The following ERP44 variants were observed in gnomAD, a reference collection of about 807,000 sequenced individuals.
ERP44 encodes the protein endoplasmic reticulum resident protein 44.
In ERP44, 25 loss-of-function variants were observed where a neutral mutation model predicts 53.4. The observed-to-expected ratio is 0.47, with a 90% confidence interval of 0.34 to 0.65. The LOEUF is 0.65. ERP44 is among the 30% of genes least tolerant of loss of function. The probability of loss-of-function intolerance (pLI) is 0.01; values close to 1 mark genes in which losing one functional copy is unlikely to be tolerated. For missense variants in ERP44, 338 were observed against 493.2 expected (o/e 0.69, Z 2.98); for synonymous variants, 145 against 161.2 (o/e 0.90, Z 0.76).
intron 10 of ERP44, among the ~76,000 whole-genome samples, chr9:99,991,233 A>T (rs1830251090): frequency 6.6e-6 from 1 of 152,140 alleles, no homozygotes; most frequent in African/African-American, 2.4e-5. Flanking sequence ...GCACCACATC[A>T]CACTTATTCC....
intron 1 of ERP44, among the ~76,000 whole-genome samples, chr9:100,087,336 TAAG>T: frequency 6.6e-6 from 1 of 152,324 alleles, no homozygotes; most frequent in South Asian, 2.1e-4. Context: ...ATTATTAGGA[TAAG>T]AAGACCACAG....
intron 4 of ERP44, among the ~76,000 whole-genome samples, chr9:100,052,051 C>G (rs1460176204): frequency 6.6e-6 from 1 of 152,054 alleles, no homozygotes; most frequent in Non-Finnish European, 1.5e-5. Flanking sequence ...CTAAAACTAA[C>G]AGAAATCCAT....
At chr9:100,031,634 C>G (rs1386259382) in intron 4 of ERP44, among the ~76,000 whole-genome samples, 1 of 152,128 alleles carries the variant, frequency 6.6e-6, no homozygotes, top group Non-Finnish European at 1.5e-5. Context: ...CCCAGAAATA[C>G]TGGTCATTTG....
chr9:100,004,320 CTCATGA>C (rs1830406418), intron 10 of ERP44, among the ~76,000 whole-genome samples: 1 of 152,176 alleles, frequency 6.6e-6, no homozygotes, highest in Admixed American at 6.5e-5. Context: ...GAGTGCTAGC[CTCATGA>C]TCAGGGCTGT....
At position 99,982,470 on chromosome 9, in the gene ERP44, G is replaced by T; in HGVS notation, c.*142C>A. On this transcript the variant is annotated 3_prime_UTR_variant, in exon 12 of 12. Transcript: ENST00000262455. Reference sequence around the variant, plus strand: ...AAATGACAATGCATTTTGAGTCGGGGAGAAAAAAATTAAAAACCCAAAATT... The same window carrying T: ...AAATGACAATGCATTTTGAGTCGGGTAGAAAAAAATTAAAAACCCAAAATT... The T allele has an allele frequency of 2.7e-6, 1 of 372,234 alleles. No individual in the cohort carries two copies. The highest frequency in any genetic ancestry group is 4.7e-6 in the Non-Finnish European group (1 of 211,670). The allele number at this position is 372,234 out of a possible 1,614,324, so 23.1% of individuals were successfully genotyped here. A position where few individuals can be genotyped will look rare whatever the true frequency, so the allele number is the denominator to read the frequency against.
In ERP44 at chr9:99,979,202, C is replaced by G. The variant is rs1324903853; in HGVS notation, c.*3410G>C. 6.8e-6 allele frequency: 1 copy of G among 147,878 alleles called. No individual in the cohort carries two copies. The highest frequency in any genetic ancestry group is 3.2e-3 in the Middle Eastern group (1 of 312). 9.2% of individuals were successfully genotyped at this position (147,878 alleles called of 1,614,324 possible). A position where few individuals can be genotyped will look rare whatever the true frequency, so the allele number is the denominator to read the frequency against. ...ACTTTTCATTTTTGCAGTTTCATGT[C>G]ATTTTATTTTGGTCCAGCCATATCT... On this transcript the variant is annotated 3_prime_UTR_variant, in exon 12 of 12. Transcript: ENST00000262455.
At chr9:100,086,423 CAA>C (rs1297506518) in intron 1 of ERP44, among the ~76,000 whole-genome samples, 1 of 152,118 alleles carries the variant, frequency 6.6e-6, no homozygotes, top group African/African-American at 2.4e-5. Flanking sequence ...TTCAGAGAGT[CAA>C]AAGATAACAA....
chr9:100,093,651 GAAAAAA>G (rs34247708), intron 1 of ERP44, among the ~76,000 whole-genome samples: 2 of 150,830 alleles, frequency 1.3e-5, no homozygotes, highest in South Asian at 2.1e-4. Context: ...TGTGGGGGGG[GAAAAAA>G]AAAGAACTGT....
intron 9 of ERP44, 56 bp from the exon 10 acceptor site, chr9:100,006,703 G>T: frequency 7.8e-7 from 1 of 1,278,382 alleles, no homozygotes; most frequent in Non-Finnish European, 1.1e-6. Flanking sequence ...AAATATTTTT[G>T]TAAGATTGCA....
In ERP44 at chr9:100,060,154, G is replaced by C; in HGVS notation, c.76C>G (p.Pro26Ala). ...LLLLVTWVFTPVTTEITSLDT... is the reference protein window; with the variant it reads ...LLLLVTWVFTAVTTEITSLDT... ...AGACTTGTTATTTCAGTTGTTACAG[G>C]AGTAAAAACCCAAGTTACCTGAAAA... Residue 26 changes from proline to alanine, a missense_variant, in exon 2 of 12, where the codon CCT (proline) becomes GCT (alanine). Pro to Ala is a conservative substitution (Grantham distance 27). Coordinates refer to ENST00000262455, the MANE Select transcript of ERP44 (RefSeq NM_015051.3). 1 of 1,491,510 alleles carries C rather than the reference G, an allele frequency of 6.7e-7. No homozygotes were observed. Among genetic ancestry groups the C allele is most frequent in the Non-Finnish European group, 8.9e-7 (1 of 1,122,374 alleles). 92.4% of individuals were successfully genotyped at this position (1,491,510 alleles called of 1,614,324 possible).
At chr9:100,024,436 G>A (rs879642332) in intron 4 of ERP44, among the ~76,000 whole-genome samples, 1 of 121,114 alleles carries the variant, frequency 8.3e-6, no homozygotes, top group African/African-American at 4.3e-5. Context: ...AAATACATAT[G>A]TATATACATG....
chr9:99,984,597 TC>T (rs1215384064), intron 11 of ERP44, among the ~76,000 whole-genome samples: 27 of 152,232 alleles, frequency 1.8e-4, no homozygotes, highest in African/African-American at 6.3e-4. Flanking sequence ...TGGTCAATCT[TC>T]CAGCCACAGA....
In ERP44 at chr9:99,979,366, T is replaced by C. The variant is rs1490245790; in HGVS notation, c.*3246A>G. On this transcript the variant is annotated 3_prime_UTR_variant, in exon 12 of 12. Coordinates refer to ENST00000262455, the MANE Select transcript of ERP44 (RefSeq NM_015051.3). ...TTCTTGACAACCTTAGCATTTTCTA[T>C]AAATTTAAGCTTATTGTGAGCTTGA... The C allele has an allele frequency of 6.6e-6, 1 of 151,976 alleles. No individual in the cohort carries two copies. The highest frequency in any genetic ancestry group is 2.4e-5 in the African/African-American group (1 of 41,394). 9.4% of individuals were successfully genotyped at this position (151,976 alleles called of 1,614,324 possible). A position where few individuals can be genotyped will look rare whatever the true frequency, so the allele number is the denominator to read the frequency against.
At chr9:100,041,945 T>A (rs1035071746) in intron 4 of ERP44, among the ~76,000 whole-genome samples, 1 of 152,186 alleles carries the variant, frequency 6.6e-6, no homozygotes, top group African/African-American at 2.4e-5. Flanking sequence ...CTTCAAACTA[T>A]GAAACTACTA....
At chr9:100,075,805 G>GT (rs1826348983) in intron 1 of ERP44, among the ~76,000 whole-genome samples, 1 of 152,178 alleles carries the variant, frequency 6.6e-6, no homozygotes, top group Non-Finnish European at 1.5e-5. Flanking sequence ...TCTTTTGGGT[G>GT]TATTACTCCA....
intron 10 of ERP44, among the ~76,000 whole-genome samples, chr9:100,002,996 CT>C (rs1830393782): frequency 6.6e-6 from 1 of 152,006 alleles, no homozygotes; most frequent in Non-Finnish European, 1.5e-5. Flanking sequence ...TTTCTTCATT[CT>C]TTTTTTCTTC....
At chr9:100,055,041 G>A (rs1169990124) in intron 3 of ERP44, among the ~76,000 whole-genome samples, 5 of 152,082 alleles carry the variant, frequency 3.3e-5, no homozygotes, top group African/African-American at 1.2e-4. Context: ...AAGCTTTGCA[G>A]TTAGGCATAC....
chr9:99,982,991 T>C (rs1273288170), intron 11 of ERP44, among the ~76,000 whole-genome samples: 2 of 152,154 alleles, frequency 1.3e-5, no homozygotes, highest in Non-Finnish European at 2.9e-5. Context: ...CCAAAATACC[T>C]GACACCTGGG....
At chr9:100,061,319 C>G (rs977831208) in intron 1 of ERP44, among the ~76,000 whole-genome samples, 1 of 151,802 alleles carries the variant, frequency 6.6e-6, no homozygotes, top group Admixed American at 6.6e-5. Flanking sequence ...TGGCAGGTGC[C>G]CGTAGTCCCA....
Sources: gnomAD v4.1 joint callset for allele counts (sites outside exome capture counted in the v4.1 genomes callset) on GRCh38, gnomAD v4.1.1 for gene constraint, MANE v1.5 for transcripts, NCBI Gene and HGNC (gene_info 2026-07-23, HGNC 2026-07-21) for gene names.